Variants in RAD51B observed in about 807,000 individuals in gnomAD.
RAD51B encodes the protein RAD51 paralog B.
Under a neutral mutation model 42.2 loss-of-function variants are expected in RAD51B, and 38 were observed. That is an observed-to-expected ratio of 0.90 (90% CI 0.70 to 1.18). The LOEUF (loss-of-function observed/expected upper bound fraction) is 1.18. RAD51B is among the 50% of genes most tolerant of loss of function. The probability of loss-of-function intolerance (pLI) is 0.00; values close to 1 mark genes in which losing one functional copy is unlikely to be tolerated. For missense variants in RAD51B, 373 were observed against 400.7 expected (o/e 0.93, Z 0.59); for synonymous variants, 154 against 145.2 (o/e 1.06, Z -0.43).
chr14:68,611,128 T>C, exon 11 of RAD51B: 1 of 703,140 alleles, frequency 1.4e-6, no homozygotes, highest in South Asian at 1.5e-5. Flanking sequence ...TCCCAGGCTG[T>C]TACCCAGTGT....
At chr14:67,877,336 G>T (rs1053805584) in intron 5 of RAD51B, among the ~76,000 whole-genome samples, 30 of 152,014 alleles carry the variant, frequency 2.0e-4, no homozygotes, top group Non-Finnish European at 8.8e-5. Context: ...CATGTGATTT[G>T]CCCAAGATCA....
At chr14:68,444,549 AGAG>A (rs2085378239) in intron 9 of RAD51B, among the ~76,000 whole-genome samples, 1 of 152,208 alleles carries the variant, frequency 6.6e-6, no homozygotes, top group Non-Finnish European at 1.5e-5. Context: ...GTTTTATTTT[AGAG>A]GGATAGGGTT....
chr14:68,345,252 A>G (rs142402990), intron 8 of RAD51B, among the ~76,000 whole-genome samples: 5 of 152,140 alleles, frequency 3.3e-5, no homozygotes, highest in African/African-American at 1.2e-4. Context: ...ATATTTTGCA[A>G]TGTGAGAAGG....
intron 9 of RAD51B, among the ~76,000 whole-genome samples, chr14:68,451,021 C>T (rs935789294): frequency 6.6e-6 from 1 of 152,108 alleles, no homozygotes; most frequent in Non-Finnish European, 1.5e-5. Context: ...GTTTTTGACT[C>T]CTGTGATGGT....
At chr14:67,989,571 G>A (rs1190685236) in intron 7 of RAD51B, among the ~76,000 whole-genome samples, 1 of 145,594 alleles carries the variant, frequency 6.9e-6, no homozygotes, top group Non-Finnish European at 1.5e-5. Context: ...CTGGGAGGTG[G>A]TTGTGGTGAC....
chr14:68,288,374 T>C (rs1323354946), intron 7 of RAD51B, among the ~76,000 whole-genome samples: 1 of 152,242 alleles, frequency 6.6e-6, no homozygotes, highest in Non-Finnish European at 1.5e-5. Flanking sequence ...CCTTTGGTGA[T>C]TTGGCTTTAA....
At chr14:68,502,297 G>A (rs546451529) in intron 10 of RAD51B, among the ~76,000 whole-genome samples, 60 of 152,312 alleles carry the variant, frequency 3.9e-4, no homozygotes, top group Middle Eastern at 3.4e-3. Flanking sequence ...CCTGAGAGAC[G>A]CTGGAGATGG....
chr14:68,201,189 TA>T (rs1042950592), intron 7 of RAD51B, among the ~76,000 whole-genome samples: 6 of 152,230 alleles, frequency 3.9e-5, no homozygotes, highest in Admixed American at 2.6e-4. Flanking sequence ...TTACACACTT[TA>T]AAAGCGTGTA....
At chr14:68,112,843 CA>C (rs2077480698) in intron 7 of RAD51B, among the ~76,000 whole-genome samples, 1 of 152,090 alleles carries the variant, frequency 6.6e-6, no homozygotes, top group Non-Finnish European at 1.5e-5. Context: ...GAACATAGTC[CA>C]TGTGTAGTGG....
chr14:68,297,081 A>C (rs1413502279), intron 8 of RAD51B, among the ~76,000 whole-genome samples: 2 of 152,222 alleles, frequency 1.3e-5, no homozygotes, highest in African/African-American at 4.8e-5. Context: ...ATCCCTGCGA[A>C]AAGCTGGAGT....
chr14:67,857,317 C>T (rs899929923), intron 4 of RAD51B, among the ~76,000 whole-genome samples: 8 of 152,124 alleles, frequency 5.3e-5, no homozygotes, highest in Admixed American at 5.2e-4. Context: ...ACTATCCAAA[C>T]TCTAATCCAA....
chr14:67,891,644 GATTT>G (rs140848477), intron 7 of RAD51B, among the ~76,000 whole-genome samples: 5 of 151,336 alleles, frequency 3.3e-5, no homozygotes, highest in African/African-American at 4.8e-5. Context: ...TGTGGGCCTG[GATTT>G]ATTTATTTAT....
rs181018854 is a variant in RAD51B at position 68,577,157 on chromosome 14, A to T, written c.1037-17328A>T. The stretch of plus-strand genomic sequence containing the variant: ...CTTTTCTGGTCTTGACCTTTAGCCT[A>T]AAAACAGAGGGCCCAGTTGTTCTCC... On this transcript the variant is annotated intron_variant, in intron 10 of 10. Coordinates refer to the RAD51B transcript ENST00000487270. 5.8e-3 allele frequency among the ~76,000 whole-genome samples: 884 copies of T among 152,300 alleles called. 10 individuals are homozygous for T. Among genetic ancestry groups the T allele is most frequent in the Non-Finnish European group, 7.1e-3 (486 of 68,016 alleles).
chr14:67,839,313 A>T (rs2041349098), intron 4 of RAD51B, among the ~76,000 whole-genome samples: 1 of 151,928 alleles, frequency 6.6e-6, no homozygotes, highest in African/African-American at 2.4e-5. Context: ...TGATCTTGAT[A>T]TTTTTCCTTC....
chr14:68,034,870 G>A (rs2076097658), intron 7 of RAD51B, among the ~76,000 whole-genome samples: 1 of 152,104 alleles, frequency 6.6e-6, no homozygotes, highest in Non-Finnish European at 1.5e-5. Flanking sequence ...AAGGGATTGG[G>A]ATGTCTAATA....
intron 10 of RAD51B, among the ~76,000 whole-genome samples, chr14:68,556,235 C>T (rs1888836473): frequency 6.6e-6 from 1 of 152,188 alleles, no homozygotes; most frequent in South Asian, 2.1e-4. Context: ...CGGGGACAGA[C>T]CTCAAACGTG....
intron 11 of RAD51B, among the ~76,000 whole-genome samples, chr14:68,666,898 A>C (rs1893043003): frequency 6.6e-6 from 1 of 152,222 alleles, no homozygotes; most frequent in Non-Finnish European, 1.5e-5. Flanking sequence ...ATGGATATAC[A>C]TATGTAGATG....
chr14:67,928,289 A>C (rs959064161), intron 7 of RAD51B, among the ~76,000 whole-genome samples: 1 of 152,184 alleles, frequency 6.6e-6, no homozygotes, highest in East Asian at 1.9e-4. Flanking sequence ...TGATTTAGAT[A>C]AAATGACATG....
At chr14:68,555,797 C>A (rs1439501382) in intron 10 of RAD51B, among the ~76,000 whole-genome samples, 3 of 152,190 alleles carry the variant, frequency 2.0e-5, no homozygotes, top group African/African-American at 7.2e-5. Context: ...TCATAGACAG[C>A]ACTGGAAATA....
Sources: gnomAD v4.1 joint callset for allele counts (sites outside exome capture counted in the v4.1 genomes callset) on GRCh38, gnomAD v4.1.1 for gene constraint, MANE v1.5 for transcripts, NCBI Gene and HGNC (gene_info 2026-07-23, HGNC 2026-07-21) for gene names.